SLC12A9: variants seen among roughly 807,000 people sequenced by gnomAD.
SLC12A9 encodes CCC-interacting protein 1.
Under a neutral mutation model 66.0 loss-of-function variants are expected in SLC12A9, and 55 were observed. That is an observed-to-expected ratio of 0.83 (90% CI 0.67 to 1.04). SLC12A9 has a LOEUF of 1.04. Among genes scored for constraint, SLC12A9 ranks in the 50% least tolerant of loss-of-function variants. The pLI is 0.00. For missense variants in SLC12A9, 1,061 were observed against 1,241.9 expected, an observed-to-expected ratio of 0.85 and a Z score of 2.19; for synonymous variants, 577 against 569.0, an observed-to-expected ratio of 1.01 and a Z score of -0.20.
chr7:100,830,040 A>AAAGTAAATAAAT (rs956993534), intron 1 of SLC12A9, among the ~76,000 whole-genome samples: 1 of 151,152 alleles, frequency 6.6e-6, no homozygotes, highest in Non-Finnish European at 1.5e-5. Context: ...AAAAATATAT[A>AAAGTAAATAAAT]AAGTAAATAA....
At chr7:100,826,964 C>A (rs953787533) in exon 1 of SLC12A9, 6 of 1,441,856 alleles carry the variant, frequency 4.2e-6, no homozygotes, top group African/African-American at 3.3e-5. Flanking sequence ...CGCCCCCCCC[C>A]GCAAGGAAAC....
At chr7:100,831,372 C>G (rs314319) in intron 1 of SLC12A9, among the ~76,000 whole-genome samples, 77,219 of 151,902 alleles carry the variant, frequency 0.51, 20,008 homozygotes, top group Middle Eastern at 0.75. Context: ...TTTTAGTAGA[C>G]GCGGGGTTTC....
intron 1 of SLC12A9, among the ~76,000 whole-genome samples, chr7:100,836,802 TG>T (rs1365535809): frequency 2.6e-5 from 2 of 75,850 alleles, no homozygotes; most frequent in Non-Finnish European, 4.9e-5. Context: ...CCCTGGGACC[TG>T]GGGGAGGGGG....
At chr7:100,838,150 C>G (rs937468348) in intron 1 of SLC12A9, among the ~76,000 whole-genome samples, 1 of 151,962 alleles carries the variant, frequency 6.6e-6, no homozygotes, top group Non-Finnish European at 1.5e-5. Context: ...CGTGAGCCAC[C>G]GCACCCGGCT....
In SLC12A9 at chr7:100,865,952, G is replaced by A. The variant is rs1276554277; in HGVS notation, c.2092G>A (p.Val698Met). The change falls in exon 14 of 14, where the codon GTG (valine) becomes ATG (methionine). Residue 698 changes from valine to methionine, a missense_variant. Transcript: ENST00000354161. ...CGCCCTCAAGATGAACAAGAATGTG[G>A]TGCTGGCCCGGGCCAGCGGGGCCTT... ...ADALKMNKNV[V>M]LARASGALPP... 1.2e-6 allele frequency: 2 copies of A among 1,613,128 alleles called. No individual in the cohort carries two copies. Among genetic ancestry groups the A allele is most frequent in the African/African-American group, 2.7e-5 (2 of 74,944 alleles).
At chr7:100,827,503 G>T (rs1478816892) in intron 1 of SLC12A9, 1 of 151,804 alleles carries the variant, frequency 6.6e-6, no homozygotes, top group African/African-American at 2.4e-5. Context: ...GGCCGGGCAG[G>T]GGCTGAGCTG....
intron 3 of SLC12A9, among the ~76,000 whole-genome samples, chr7:100,855,159 G>C (rs1223141583): frequency 6.6e-6 from 1 of 152,182 alleles, no homozygotes; most frequent in African/African-American, 2.4e-5. Flanking sequence ...GCAAGACTCT[G>C]ACTCCCAGGC....
intron 1 of SLC12A9, chr7:100,827,464 G>C (rs1379445967): frequency 1.3e-5 from 2 of 151,058 alleles, no homozygotes; most frequent in Admixed American, 6.6e-5. Flanking sequence ...GGGAGGGAGG[G>C]AGACTGCGGC....
At chr7:100,837,829 T>G in intron 1 of SLC12A9, among the ~76,000 whole-genome samples, 1 of 151,650 alleles carries the variant, frequency 6.6e-6, no homozygotes, top group Admixed American at 6.6e-5. Context: ...TTCATCTATT[T>G]ATTTTTAAAA....
At position 100,866,833 on chromosome 7, in the gene SLC12A9, G is replaced by A. The variant is rs1815126526; in HGVS notation, c.*228G>A. 4.4e-6 allele frequency: 2 copies of A among 450,508 alleles called. 1 individual carries two copies. Among genetic ancestry groups the A allele is most frequent in the Non-Finnish European group, 7.8e-6 (2 of 257,970 alleles). The allele number at this position is 450,508 out of a possible 1,614,324, so 27.9% of individuals were successfully genotyped here. A position where few individuals can be genotyped will look rare whatever the true frequency, so the allele number is the denominator to read the frequency against. ...GGCTGTCCCCACCGTGCAGGGGAGG[G>A]AGTCCGCAGCCTCCCTTCACTGGTG... On this transcript the variant is annotated 3_prime_UTR_variant, in exon 14 of 14. Coordinates refer to ENST00000354161, the MANE Select transcript of SLC12A9 (RefSeq NM_020246.4). The surrounding 1 kb of genome is among the most constrained non-coding windows in gnomAD (Gnocchi z 7.3).
chr7:100,841,504 A>G (rs2116526964), intron 1 of SLC12A9, among the ~76,000 whole-genome samples: 1 of 152,260 alleles, frequency 6.6e-6, no homozygotes, highest in South Asian at 2.1e-4. Context: ...TATTAGCTAA[A>G]GTTAAAGAAG....
In SLC12A9 at chr7:100,861,615, T is replaced by C. The variant is rs779139251; in HGVS notation, c.1536+31T>C. The stretch of plus-strand genomic sequence containing the variant: ...GGGAGCTGGTGGGGCGGTGGGGAAA[T>C]GGGAGGTGGTCAAAGAACCCCCTCT... On this transcript the variant is annotated intron_variant, in intron 11 of 13. Coordinates refer to ENST00000354161, the MANE Select transcript of SLC12A9 (RefSeq NM_020246.4). This position sits in a 1 kb window ranked among gnomAD's most constrained non-coding sequence, Gnocchi z 5.3. 1 of 1,608,976 alleles carries C rather than the reference T, an allele frequency of 6.2e-7. No individual in the cohort carries two copies. Among genetic ancestry groups the C allele is most frequent in the South Asian group, 1.1e-5 (1 of 90,964 alleles).
upstream of SLC12A9, among the ~76,000 whole-genome samples, chr7:100,848,659 G>T (rs1361059183): frequency 2.0e-5 from 3 of 152,106 alleles, no homozygotes; most frequent in Admixed American, 6.5e-5. Context: ...GGCCAAGGCG[G>T]GCGGATCACG....
rs773947125 is a variant in SLC12A9 at position 100,859,978 on chromosome 7, G to A, written c.1071G>A (p.Ala357=). Reference sequence around the variant, plus strand: ...GAATCTATGCCACAGCGCTCTCAGCGTCCATGAGCTCGCTCATTGGTGCCT... The same window carrying A: ...GAATCTATGCCACAGCGCTCTCAGCATCCATGAGCTCGCTCATTGGTGCCT... ...LIGIYATALS[A]SMSSLIGASR... The change falls in exon 8 of 14, where the codon GCG becomes GCA. Residue 357 remains alanine, a synonymous_variant. Coordinates refer to ENST00000354161, the MANE Select transcript of SLC12A9 (RefSeq NM_020246.4). The A allele has an allele frequency of 3.7e-6, 6 of 1,613,284 alleles. No homozygotes were observed. Among genetic ancestry groups the A allele is most frequent in the South Asian group, 2.2e-5 (2 of 91,080 alleles).
intron 1 of SLC12A9, among the ~76,000 whole-genome samples, chr7:100,840,408 C>G (rs1813760180): frequency 6.6e-6 from 1 of 152,150 alleles, no homozygotes; most frequent in African/African-American, 2.4e-5. Flanking sequence ...GGACAGGTCC[C>G]TTGTTTCAAA....
chr7:100,834,836 C>T (rs1813616623), intron 1 of SLC12A9, among the ~76,000 whole-genome samples: 1 of 152,054 alleles, frequency 6.6e-6, no homozygotes, highest in Non-Finnish European at 1.5e-5. Flanking sequence ...CCACTGCATT[C>T]CAGTCTGGGC....
At position 100,861,960 on chromosome 7, in the gene SLC12A9, T is replaced by A; in HGVS notation, c.1711+49T>A. ...ACTCACTCCCATCCTTCTCTCCCCCTACCTTTTTTTTTTTTTTGAGATGGA... is the reference window on the plus strand; with the variant it reads ...ACTCACTCCCATCCTTCTCTCCCCCAACCTTTTTTTTTTTTTTGAGATGGA... On this transcript the variant is annotated intron_variant, in intron 12 of 13. Coordinates refer to ENST00000354161, the MANE Select transcript of SLC12A9 (RefSeq NM_020246.4). The surrounding 1 kb of genome is among the most constrained non-coding windows in gnomAD (Gnocchi z 5.3). The A allele has an allele frequency of 2.1e-6, 3 of 1,408,530 alleles. No homozygotes were observed. The highest frequency in any genetic ancestry group is 2.9e-6 in the Non-Finnish European group (3 of 1,051,272). 87.3% of individuals were successfully genotyped at this position (1,408,530 alleles called of 1,614,324 possible).
rs1172912942 is a variant in SLC12A9 at position 100,866,344 on chromosome 7, A to T, written c.2484A>T (p.Ala828=). 35 of 1,506,106 alleles carry T rather than the reference A, an allele frequency of 2.3e-5. No individual in the cohort carries two copies. Among genetic ancestry groups the T allele is most frequent in the Non-Finnish European group, 3.0e-5 (34 of 1,123,916 alleles). The allele number at this position is 1,506,106 out of a possible 1,614,324, so 93.3% of individuals were successfully genotyped here. The change falls in exon 14 of 14, where the codon GCA becomes GCT. Residue 828 remains alanine (A), a synonymous_variant. Coordinates refer to ENST00000354161, the MANE Select transcript of SLC12A9 (RefSeq NM_020246.4). This position sits in a 1 kb window ranked among gnomAD's most constrained non-coding sequence, Gnocchi z 7.3. ...GDFVNSGRGD[A]EAEALARSAN... ...TTGTGAACAGTGGGCGGGGAGACGC[A>T]GAGGCAGAGGCCCTGGCACGCAGCG...
intron 1 of SLC12A9, among the ~76,000 whole-genome samples, chr7:100,828,955 G>T (rs982822849): frequency 2.0e-5 from 3 of 151,918 alleles, no homozygotes. Context: ...CAGAAGGAAA[G>T]GACTTAGACT....
Sources: gnomAD v4.1 joint callset for allele counts (sites outside exome capture counted in the v4.1 genomes callset) on GRCh38, gnomAD v4.1.1 for gene constraint, Gnocchi (gnomAD v3.1) non-coding constraint, MANE v1.5 for transcripts, NCBI Gene and HGNC (gene_info 2026-07-23, HGNC 2026-07-21) for gene names.